The following NEGR1 variants were observed in gnomAD, a reference collection of about 807,000 sequenced individuals.
The protein encoded by NEGR1 is neuronal growth regulator 1.
Under a neutral mutation model 40.9 loss-of-function variants are expected in NEGR1, and 10 were observed. The observed-to-expected ratio is 0.24, with a 90% CI of 0.15 to 0.42. The LOEUF (loss-of-function observed/expected upper bound fraction) is 0.42, where lower values mean the gene tolerates loss of function less well. NEGR1 is among the 10% of genes least tolerant of loss of function. The probability of loss-of-function intolerance (pLI) is 1.00; values close to 1 mark genes in which losing one functional copy is unlikely to be tolerated. For missense variants in NEGR1, 352 were observed against 438.9 expected (o/e 0.80, Z 1.77); for synonymous variants, 185 against 166.8 (o/e 1.11, Z -0.84).
intron 1 of NEGR1, among the ~76,000 whole-genome samples, chr1:72,032,705 C>T (rs1036447412): frequency 1.3e-5 from 2 of 152,116 alleles, no homozygotes; most frequent in Non-Finnish European, 2.9e-5. Flanking sequence ...AATCATCTTG[C>T]TTCTCTAACA....
intron 1 of NEGR1, among the ~76,000 whole-genome samples, chr1:72,093,836 AG>A (rs1193600491): frequency 7.2e-5 from 11 of 152,214 alleles, no homozygotes; most frequent in African/African-American, 2.7e-4. Context: ...TTAGTTAATT[AG>A]TATGCTGTTC....
At chr1:72,062,189 T>G (rs1351057265) in intron 1 of NEGR1, among the ~76,000 whole-genome samples, 1 of 151,812 alleles carries the variant, frequency 6.6e-6, no homozygotes. Flanking sequence ...ATTTCCTTCC[T>G]CCTCACCTCT....
intron 1 of NEGR1, among the ~76,000 whole-genome samples, chr1:72,001,296 T>C (rs1020578419): frequency 1.3e-5 from 2 of 152,050 alleles, no homozygotes; most frequent in Non-Finnish European, 2.9e-5. Context: ...GGTGTGTCCA[T>C]GTCCTTGATT....
chr1:71,981,914 T>G (rs1646357755), intron 1 of NEGR1, among the ~76,000 whole-genome samples: 1 of 152,190 alleles, frequency 6.6e-6, no homozygotes, highest in African/African-American at 2.4e-5. Flanking sequence ...TTAGAACCAT[T>G]TGGCTCTTAT....
chr1:72,116,619 C>A (rs899035663), intron 1 of NEGR1, among the ~76,000 whole-genome samples: 4 of 151,626 alleles, frequency 2.6e-5, no homozygotes. Context: ...AGTATGATTT[C>A]CACCCTCTCC....
At chr1:72,009,488 G>A (rs1463036673) in intron 1 of NEGR1, among the ~76,000 whole-genome samples, 1 of 151,226 alleles carries the variant, frequency 6.6e-6, no homozygotes, top group Non-Finnish European at 1.5e-5. Context: ...AAATGCAGAG[G>A]GTTTTTTTTA....
chr1:71,631,672 A>C (rs1415286821), intron 4 of NEGR1, among the ~76,000 whole-genome samples: 1 of 151,826 alleles, frequency 6.6e-6, no homozygotes. Context: ...ACATTCACTT[A>C]GTGAAAAACA....
At chr1:72,177,383 T>C (rs1201067278) in intron 1 of NEGR1, among the ~76,000 whole-genome samples, 1 of 152,060 alleles carries the variant, frequency 6.6e-6, no homozygotes, top group African/African-American at 2.4e-5. Context: ...GAATCACATA[T>C]GAGTGGTTTA....
intron 2 of NEGR1, among the ~76,000 whole-genome samples, chr1:71,894,279 T>A (rs1258403660): frequency 1.3e-5 from 2 of 150,392 alleles, no homozygotes; most frequent in Non-Finnish European, 3.0e-5. Context: ...AACACAAGAC[T>A]TTTTGGTATG....
chr1:71,937,778 A>G, intron 1 of NEGR1, among the ~76,000 whole-genome samples: 1 of 152,030 alleles, frequency 6.6e-6, no homozygotes, highest in East Asian at 1.9e-4. Context: ...CTGTCCTAGT[A>G]TAAAGGAAGC....
chr1:71,827,156 A>G (rs1383630392), intron 2 of NEGR1, among the ~76,000 whole-genome samples: 3 of 151,660 alleles, frequency 2.0e-5, no homozygotes, highest in African/African-American at 4.8e-5. Context: ...GACTTTGCAG[A>G]AAAAAAAGGA....
At chr1:71,576,887 C>A (rs530069439) in intron 6 of NEGR1, among the ~76,000 whole-genome samples, 1 of 152,252 alleles carries the variant, frequency 6.6e-6, no homozygotes, top group Admixed American at 6.5e-5. Context: ...AAAAATAACC[C>A]TGGGAATGAA....
intron 6 of NEGR1, among the ~76,000 whole-genome samples, chr1:71,528,511 GT>G (rs1479891234): frequency 6.6e-6 from 1 of 151,246 alleles, no homozygotes. Flanking sequence ...CCTGGGGTAA[GT>G]TAAACAAAGA....
rs115301509 is a variant in NEGR1 at position 72,011,483 on chromosome 1, A to G, written c.177-76172T>C. 3.0e-3 allele frequency among the ~76,000 whole-genome samples: 456 copies of G among 152,186 alleles called. 2 individuals carry two copies. Among genetic ancestry groups the G allele is most frequent in the African/African-American group, 0.01 (431 of 41,490 alleles). ...AGGGTTCAAAGATTTTTAAGGTTAA[A>G]CCACCTAATGGAAATATTTCCAACA... is the stretch of plus-strand genomic sequence containing the variant. On this transcript the variant is annotated intron_variant, in intron 1 of 6. Transcript: ENST00000357731.
chr1:71,814,138 AG>A (rs1658109941), intron 2 of NEGR1, among the ~76,000 whole-genome samples: 1 of 152,132 alleles, frequency 6.6e-6, no homozygotes. Flanking sequence ...TTTAACTTGA[AG>A]GGATGTTGAA....
At chr1:71,760,763 T>C (rs1385649302) in intron 3 of NEGR1, among the ~76,000 whole-genome samples, 3 of 152,152 alleles carry the variant, frequency 2.0e-5, no homozygotes, top group Non-Finnish European at 4.4e-5. Context: ...GCAAGGTTCA[T>C]AAAGAATTAC....
At chr1:71,524,899 A>T (rs868531533) in intron 6 of NEGR1, among the ~76,000 whole-genome samples, 1 of 151,858 alleles carries the variant, frequency 6.6e-6, no homozygotes. Context: ...ACATGAGCAA[A>T]AGAACATGGA....
chr1:71,781,387 T>C (rs1388074532), intron 2 of NEGR1, among the ~76,000 whole-genome samples: 1 of 152,184 alleles, frequency 6.6e-6, no homozygotes, highest in Non-Finnish European at 1.5e-5. Context: ...ACAGGATGCG[T>C]CTGACAGTTA....
At chr1:72,260,813 C>G (rs1278630289) in intron 1 of NEGR1, among the ~76,000 whole-genome samples, 2 of 152,072 alleles carry the variant, frequency 1.3e-5, no homozygotes, top group East Asian at 3.9e-4. Flanking sequence ...TAAAAGCTGA[C>G]ATTTACATGC....
Sources: gnomAD v4.1 joint callset for allele counts (sites outside exome capture counted in the v4.1 genomes callset) on GRCh38, gnomAD v4.1.1 for gene constraint, MANE v1.5 for transcripts, NCBI Gene and HGNC (gene_info 2026-07-23, HGNC 2026-07-21) for gene names.